Variants in PREPL observed in about 807,000 individuals in gnomAD.
PREPL encodes the protein prolyl endopeptidase-like.
Under a neutral mutation model 70.6 loss-of-function variants are expected in PREPL, and 77 were observed. The observed-to-expected ratio is 1.09, with a 90% CI of 0.91 to 1.32. The LOEUF is 1.32. Ranked by LOEUF, PREPL falls within the 40% of genes most tolerant of loss-of-function variation. The pLI is 0.00. For missense variants in PREPL, 1,002 were observed against 778.2 expected, an observed-to-expected ratio of 1.29 and a Z score of -3.42; for synonymous variants, 315 against 264.8, an observed-to-expected ratio of 1.19 and a Z score of -1.84.
At chr2:44,328,850 G>T in intron 9 of PREPL, 87 bp downstream of exon 9, 1 of 1,283,744 alleles carries the variant, frequency 7.8e-7, no homozygotes, top group Non-Finnish European at 1.1e-6. Flanking sequence ...AAAAAAATAA[G>T]CTTTTGTTCC....
Position 44,332,583 on chromosome 2 carries a change from G to C in PREPL, c.962C>G (p.Ser321Cys). 1 of 1,613,934 alleles carries C rather than the reference G, an allele frequency of 6.2e-7. No homozygotes were observed. ...GTAATATTTTGGGGGACGTATTGGA[G>C]AGCAAAGTTGAAAGGGGCAGTTCTT... ...DPKNCPFQLC[S>C]PIRPPKYYTY... Residue 321 changes from serine (S) to cysteine (C), a missense_variant, in exon 8 of 14, where the codon TCT becomes TGT. By Grantham distance (112) the Ser-to-Cys change is moderately radical. Coordinates refer to ENST00000409411, the MANE Select transcript of PREPL (RefSeq NM_001171613.2).
chr2:44,349,558 A>G (rs1676184869), intron 1 of PREPL, among the ~76,000 whole-genome samples: 1 of 152,238 alleles, frequency 6.6e-6, no homozygotes, highest in Non-Finnish European at 1.5e-5. Context: ...GAAGAAAGGT[A>G]AGAAAATTAA....
intron 7 of PREPL, among the ~76,000 whole-genome samples, chr2:44,335,112 G>C (rs1674506394): frequency 6.6e-6 from 1 of 152,052 alleles, no homozygotes; most frequent in Non-Finnish European, 1.5e-5. Context: ...ATGATGACTA[G>C]AACATTATAA....
intron 1 of PREPL, among the ~76,000 whole-genome samples, chr2:44,351,162 T>C (rs1258867599): frequency 5.9e-5 from 9 of 151,568 alleles, no homozygotes; most frequent in Non-Finnish European, 1.2e-4. Flanking sequence ...CTGAAACTCC[T>C]GACCTCAGGT....
In PREPL at chr2:44,343,373, A is replaced by G. The variant is rs192535077; in HGVS notation, c.349+372T>C. 4.3e-3 allele frequency among the ~76,000 whole-genome samples: 659 copies of G among 152,334 alleles called. 1 individual carries two copies. The highest frequency in any genetic ancestry group is 0.015 in the African/African-American group (625 of 41,580). On this transcript the variant is annotated intron_variant, in intron 4 of 13. Transcript: ENST00000409411. ...AGTGACTTTATGCTGTAACAGCTCTATAAGATAACATGAAATTAAAAAAAT... is the reference window on the plus strand; with the variant it reads ...AGTGACTTTATGCTGTAACAGCTCTGTAAGATAACATGAAATTAAAAAAAT...
At chr2:44,347,858 G>C (rs2104049393) in intron 1 of PREPL, among the ~76,000 whole-genome samples, 1 of 152,228 alleles carries the variant, frequency 6.6e-6, no homozygotes, top group Middle Eastern at 3.4e-3. Flanking sequence ...ATATTACAAA[G>C]AGTTTACAAT....
chr2:44,354,261 A>AG (rs1354496259), intron 1 of PREPL, among the ~76,000 whole-genome samples: 5 of 152,240 alleles, frequency 3.3e-5, no homozygotes, highest in African/African-American at 1.2e-4. Context: ...TTATATGAAA[A>AG]GAAAAAATGC....
In PREPL at chr2:44,318,093, C is replaced by CT. The variant is rs1572823813; in HGVS notation, c.*3262dup. 13 of 394,832 alleles carry CT rather than the reference C, an allele frequency of 3.3e-5. No homozygotes were observed. Among genetic ancestry groups the CT allele is most frequent in the South Asian group, 9.8e-5 (6 of 61,168 alleles). 24.5% of individuals were successfully genotyped at this position (394,832 alleles called of 1,614,324 possible). A position where few individuals can be genotyped will look rare whatever the true frequency, so the allele number is the denominator to read the frequency against. ...CAATAATACTTAAAGGATCTCAACA[C>CT]TGTTTTTTTTTTTTTTTGAGACAGT... On this transcript the variant is annotated 3_prime_UTR_variant, in exon 14 of 14. Transcript: ENST00000409411.
intron 7 of PREPL, 38 bp downstream of exon 7, chr2:44,338,313 T>C: frequency 1.3e-6 from 2 of 1,544,358 alleles, no homozygotes; most frequent in South Asian, 2.3e-5. Flanking sequence ...GCATAAATAT[T>C]TTGATTAACA....
Position 44,329,304 on chromosome 2 carries a change from T to A in PREPL, c.1087-192A>T, listed in dbSNP as rs186787802. On this transcript the variant is annotated intron_variant, in intron 8 of 13. Coordinates refer to ENST00000409411, the MANE Select transcript of PREPL (RefSeq NM_001171613.2). ...TGGCTTTTGGTTTCAGCTACCTTGC[T>A]GTCCTACAGTATTAACCAGAAAAGA... 7.2e-5 allele frequency among the ~76,000 whole-genome samples: 11 copies of A among 152,348 alleles called. No homozygotes were observed. The East Asian group carries it at 1.9e-3, about 27-fold the overall frequency.
chr2:44,350,276 T>G (rs1676274091), intron 1 of PREPL, among the ~76,000 whole-genome samples: 1 of 151,928 alleles, frequency 6.6e-6, no homozygotes, highest in Non-Finnish European at 1.5e-5. Context: ...TTCCTAAGAA[T>G]GAAAGGATGG....
At chr2:44,353,210 A>T (rs542689746) in intron 1 of PREPL, among the ~76,000 whole-genome samples, 6 of 152,338 alleles carry the variant, frequency 3.9e-5, no homozygotes, top group Middle Eastern at 3.4e-3. Context: ...TGACTCTACT[A>T]GTTTTCTTAC....
chr2:44,335,937 C>G (rs1274635584), intron 7 of PREPL, among the ~76,000 whole-genome samples: 1 of 151,746 alleles, frequency 6.6e-6, no homozygotes, highest in African/African-American at 2.4e-5. Context: ...ATGCAGCCAA[C>G]AAGCATATGA....
chr2:44,344,144 T>C (rs1675524571), intron 3 of PREPL, among the ~76,000 whole-genome samples, 193 bp from the exon 4 acceptor site: 1 of 152,198 alleles, frequency 6.6e-6, no homozygotes, highest in South Asian at 2.1e-4. Context: ...TACTATTCAA[T>C]ACTATTCTGT....
rs886056072 is a variant in PREPL, at chr2:44,320,323, T to G, written c.*1033A>C. On this transcript the variant is annotated 3_prime_UTR_variant, in exon 14 of 14. Coordinates refer to ENST00000409411, the MANE Select transcript of PREPL (RefSeq NM_001171613.2). ...TTGAGGAATGACAGCCACTATGTTG[T>G]GTACACAAGAGAGCTGGATGGCATC... 18 of 1,614,042 alleles carry G rather than the reference T, an allele frequency of 1.1e-5. No homozygotes were observed. In the East Asian group the frequency reaches 4.0e-4, roughly 36 times the overall value.
At position 44,326,854 on chromosome 2, in the gene PREPL, A is replaced by G; in HGVS notation, c.1337T>C (p.Leu446Ser). The part of the protein sequence containing the change: ...LTKKLNGLAD[L>S]EACIKTLHGQ... ...ATGAAGCGTCTTAATGCAAGCCTCTAAATCAGCAAGGCCATTGAGTTTTTT... is the reference window on the plus strand; with the variant it reads ...ATGAAGCGTCTTAATGCAAGCCTCTGAATCAGCAAGGCCATTGAGTTTTTT... Residue 446 changes from leucine (L) to serine (S), a missense_variant, in exon 10 of 14, where the codon TTA (leucine) becomes TCA (serine). Coordinates refer to ENST00000409411, the MANE Select transcript of PREPL (RefSeq NM_001171613.2). 6.2e-7 allele frequency: 1 copy of G among 1,614,184 alleles called. No homozygotes were observed. The highest frequency in any genetic ancestry group is 8.5e-7 in the Non-Finnish European group (1 of 1,180,028).
In PREPL at chr2:44,320,758, C is replaced by T. The variant is rs1030086903; in HGVS notation, c.*598G>A. On this transcript the variant is annotated 3_prime_UTR_variant, in exon 14 of 14. Coordinates refer to ENST00000409411, the MANE Select transcript of PREPL (RefSeq NM_001171613.2). ...CATTAATTCTTCGATATTTCTGTAGCTTGAATGTAACTGCTTTAAGAAAGG... is the reference window on the plus strand; with the variant it reads ...CATTAATTCTTCGATATTTCTGTAGTTTGAATGTAACTGCTTTAAGAAAGG... 14 of 850,008 alleles carry T rather than the reference C, an allele frequency of 1.6e-5. No individual in the cohort carries two copies. The highest frequency in any genetic ancestry group is 2.3e-5 in the Non-Finnish European group (12 of 512,654). The allele number at this position is 850,008 out of a possible 1,614,324, so 52.7% of individuals were successfully genotyped here. A position where few individuals can be genotyped will look rare whatever the true frequency, so the allele number is the denominator to read the frequency against.
At chr2:44,357,091 C>T (rs775807775) in intron 1 of PREPL, among the ~76,000 whole-genome samples, 38 of 152,232 alleles carry the variant, frequency 2.5e-4, no homozygotes, top group Non-Finnish European at 4.1e-4. Context: ...CTGGCGTGAG[C>T]CAGTATGCCT....
At chr2:44,344,349 A>G (rs1675549062) in intron 3 of PREPL, among the ~76,000 whole-genome samples, 171 bp downstream of exon 3, 1 of 152,186 alleles carries the variant, frequency 6.6e-6, no homozygotes, top group African/African-American at 2.4e-5. Context: ...AAAGCTTCTG[A>G]GTCTAACTAT....
Sources: allele counts gnomAD v4.1 joint callset (sites outside exome capture counted in the v4.1 genomes callset), GRCh38; gene constraint gnomAD v4.1.1; transcripts MANE v1.5; gene names NCBI Gene and HGNC (gene_info 2026-07-23, HGNC 2026-07-21).